DPRX: variants seen among roughly 807,000 people sequenced by gnomAD.
DPRX encodes the protein divergent paired-related homeobox.
DPRX carries 11 observed loss-of-function variants against 8.4 expected under a neutral mutation model. That is an observed-to-expected ratio of 1.31 (90% CI 0.82 to 2.17). DPRX has a LOEUF of 2.17. Ranked by LOEUF, DPRX falls within the 30% of genes most tolerant of loss-of-function variation. The probability of loss-of-function intolerance (pLI) is 0.00; values close to 1 mark genes in which losing one functional copy is unlikely to be tolerated. For synonymous variants in DPRX, 72 were observed against 87.0 expected, an observed-to-expected ratio of 0.83 and a Z score of 0.96; for missense variants, 211 against 236.7, an observed-to-expected ratio of 0.89 and a Z score of 0.71.
the DPRX span, chr19:53,601,249 C>G: frequency 4.8e-5 from 22 of 455,292 alleles, no homozygotes; most frequent in Non-Finnish European, 9.7e-5. Context: ...CTCTTTTTTT[C>G]CAGGAAGCCA....
At chr19:53,628,494 CAT>C (rs1434296641), upstream of DPRX, among the ~76,000 whole-genome samples, 3 of 152,120 alleles carry the variant, frequency 2.0e-5, no homozygotes, top group Non-Finnish European at 2.9e-5. Context: ...ATACGAATAA[CAT>C]ATAATTAACC....
chr19:53,623,619 C>T, the DPRX span, among the ~76,000 whole-genome samples: 1 of 149,948 alleles, frequency 6.7e-6, no homozygotes. Context: ...ACCTGGGCAA[C>T]GAGAGTGAAA....
At chr19:53,606,293 G>A in the DPRX span, 2 of 152,270 alleles carry the variant, frequency 1.3e-5, no homozygotes, top group Non-Finnish European at 2.9e-5. This position sits in a 1 kb window ranked among gnomAD's most constrained non-coding sequence, Gnocchi z 4.8. Context: ...GAGAAAACGG[G>A]AACACGCATG....
chr19:53,601,528 C>T, the DPRX span, among the ~76,000 whole-genome samples: 1 of 147,680 alleles, frequency 6.8e-6, no homozygotes, highest in Non-Finnish European at 1.5e-5. Context: ...GTCACCCAGG[C>T]TGGAGTGCAG....
chr19:53,603,331 C>T, the DPRX span: 15 of 455,908 alleles, frequency 3.3e-5, no homozygotes, highest in African/African-American at 1.8e-4. Flanking sequence ...AAACACCCCG[C>T]GGAGAAACGC....
At chr19:53,624,803 T>C in the DPRX span, among the ~76,000 whole-genome samples, 1 of 141,202 alleles carries the variant, frequency 7.1e-6, no homozygotes, top group East Asian at 2.1e-4. Context: ...GATCAGGCCA[T>C]TGCACTCCAG....
At chr19:53,614,193 G>A in the DPRX span, among the ~76,000 whole-genome samples, 11 of 151,994 alleles carry the variant, frequency 7.2e-5, no homozygotes, top group Non-Finnish European at 8.8e-5. Flanking sequence ...CTCGTAATCT[G>A]CCCGCCTCGG....
At chr19:53,622,751 C>T in the DPRX span, among the ~76,000 whole-genome samples, 1 of 152,102 alleles carries the variant, frequency 6.6e-6, no homozygotes, top group African/African-American at 2.4e-5. Context: ...GAAAGTGTTC[C>T]CTCTTCAAAA....
the DPRX span, among the ~76,000 whole-genome samples, chr19:53,612,557 A>C: frequency 0.38 from 58,254 of 151,596 alleles, 11,763 homozygotes; most frequent in Admixed American, 0.5. Flanking sequence ...AAATACAAAA[A>C]TTAGCCGGCC....
chr19:53,631,737 G>A (rs1295804835), upstream of DPRX, among the ~76,000 whole-genome samples: 1 of 152,090 alleles, frequency 6.6e-6, no homozygotes, highest in Non-Finnish European at 1.5e-5. Context: ...TCCAGCCTGG[G>A]TGACAGAGTG....
chr19:53,636,366 AAAAAT>A lies in DPRX; in HGVS notation c.184-210_184-206del, dbSNP rs1215804763. On this transcript the variant is annotated intron_variant, in intron 2 of 2. Coordinates refer to ENST00000376650, the Ensembl canonical transcript of DPRX. ...GGGCGACAAGGTGAGACTCCATCTCAAAAATAAAATAAAATAAAATAAAAATAAAT... is the reference window on the plus strand; with the variant it reads ...GGGCGACAAGGTGAGACTCCATCTCAAAAATAAAATAAAATAAAAATAAAT... Among the ~76,000 whole-genome samples the A allele has an allele frequency of 2.6e-5, 4 of 151,510 alleles. No homozygotes were observed. The Admixed American group carries it at 2.6e-4, about 10-fold the overall frequency.
upstream of DPRX, among the ~76,000 whole-genome samples, chr19:53,630,658 AAGT>A (rs1389207853): frequency 6.6e-6 from 1 of 151,988 alleles, no homozygotes; most frequent in African/African-American, 2.4e-5. Context: ...AGAAAAAAAA[AAGT>A]AGCTACAAGC....
chr19:53,614,898 T>C, the DPRX span, among the ~76,000 whole-genome samples: 1 of 151,850 alleles, frequency 6.6e-6, no homozygotes. Flanking sequence ...GGCAGGAGGA[T>C]CTCTTGAGCC....
At chr19:53,605,931 A>G in the DPRX span, among the ~76,000 whole-genome samples, 3 of 152,018 alleles carry the variant, frequency 2.0e-5, no homozygotes, top group African/African-American at 7.3e-5. Flanking sequence ...AGCCTCCCAA[A>G]GTGCTGGGGT....
chr19:53,601,181 T>TG, the DPRX span: 256 of 450,186 alleles, frequency 5.7e-4, 1 homozygote, highest in Middle Eastern at 2.0e-3. Context: ...ACTGTTAGCC[T>TG]GAGACAGCTA....
the DPRX span, among the ~76,000 whole-genome samples, chr19:53,620,402 C>A: frequency 2.0e-5 from 3 of 151,306 alleles, no homozygotes; most frequent in African/African-American, 7.3e-5. Flanking sequence ...TTCCTCTGTC[C>A]CCTAGGCTGG....
chr19:53,625,576 G>GAGCACA, the DPRX span, among the ~76,000 whole-genome samples: 1 of 151,898 alleles, frequency 6.6e-6, no homozygotes, highest in Non-Finnish European at 1.5e-5. Flanking sequence ...TCTCTGTGGT[G>GAGCACA]AGCACTCCCT....
the DPRX span, among the ~76,000 whole-genome samples, chr19:53,623,005 C>A: frequency 6.6e-6 from 1 of 152,068 alleles, no homozygotes; most frequent in Non-Finnish European, 1.5e-5. Flanking sequence ...TAGTTGAGCC[C>A]TTTAAAAAGC....
chr19:53,633,448 CAAAG>C (rs889165903), intron 1 of DPRX, among the ~76,000 whole-genome samples: 6 of 152,152 alleles, frequency 3.9e-5, no homozygotes, highest in African/African-American at 1.2e-4. Flanking sequence ...TATTTCTACA[CAAAG>C]AAAATAGAAC....
Sources: gnomAD v4.1 joint callset for allele counts (sites outside exome capture counted in the v4.1 genomes callset) on GRCh38, gnomAD v4.1.1 for gene constraint, Gnocchi (gnomAD v3.1) non-coding constraint, MANE v1.5 for transcripts, NCBI Gene and HGNC (gene_info 2026-07-23, HGNC 2026-07-21) for gene names.